Variants in DENND4C observed in about 807,000 individuals in gnomAD.
The protein encoded by DENND4C is DENN domain containing 4C, also known as DENN domain-containing protein 4C.
Under a neutral mutation model 203.0 loss-of-function variants are expected in DENND4C, and 108 were observed. That is an observed-to-expected ratio of 0.53 (90% CI 0.46 to 0.62). The LOEUF is 0.62. Among genes scored for constraint, DENND4C ranks in the 20% least tolerant of loss-of-function variants. The probability of loss-of-function intolerance (pLI) is 0.00; values close to 1 mark genes in which losing one functional copy is unlikely to be tolerated. For synonymous variants in DENND4C, 871 were observed against 792.4 expected (o/e 1.10, Z -1.67); for missense variants, 2,481 against 2,301.2 (o/e 1.08, Z -1.60).
At chr9:19,312,034 C>G (rs1840830205) in intron 10 of DENND4C, among the ~76,000 whole-genome samples, 2 of 152,144 alleles carry the variant, frequency 1.3e-5, no homozygotes, top group Non-Finnish European at 2.9e-5. Flanking sequence ...CAGTGGAATA[C>G]TACTGTAGCG....
intron 5 of DENND4C, among the ~76,000 whole-genome samples, chr9:19,295,463 C>G (rs1202967072): frequency 6.6e-6 from 1 of 151,788 alleles, no homozygotes; most frequent in Non-Finnish European, 1.5e-5. Flanking sequence ...CGAGATCGTG[C>G]CACTGTACTC....
At chr9:19,260,450 T>G (rs367826831) in intron 1 of DENND4C, among the ~76,000 whole-genome samples, 101 of 152,052 alleles carry the variant, frequency 6.6e-4, no homozygotes, top group African/African-American at 2.4e-3. Flanking sequence ...CAGGCTGGAA[T>G]GGGGTGGCAT....
At chr9:19,322,029 A>G (rs1460548935) in intron 12 of DENND4C, among the ~76,000 whole-genome samples, 2 of 152,140 alleles carry the variant, frequency 1.3e-5, no homozygotes, top group Non-Finnish European at 2.9e-5. Context: ...TAGTGTACAT[A>G]GTTTCTATTT....
In DENND4C at chr9:19,346,543, T is replaced by C; in HGVS notation, c.3774T>C (p.Thr1258=). ...TGLDPLSLLA[T]ECTGGKTPDS... ...TAGATCCTTTGTCTCTTTTAGCCAC[T>C]GAATGTACAGGAGGAAAAACTCCTG... The change falls in exon 23 of 33, where the codon ACT becomes ACC. Residue 1258 remains threonine (T), a synonymous_variant. Coordinates refer to ENST00000434457, the MANE Select transcript of DENND4C (RefSeq NM_001330640.2). 1.2e-6 allele frequency: 2 copies of C among 1,614,170 alleles called. No homozygotes were observed. Among genetic ancestry groups the C allele is most frequent in the Non-Finnish European group, 1.7e-6 (2 of 1,180,034 alleles).
chr9:19,272,756 T>TTTTTTA (rs1186285285), intron 1 of DENND4C, among the ~76,000 whole-genome samples: 1 of 151,926 alleles, frequency 6.6e-6, no homozygotes, highest in African/African-American at 2.4e-5. Context: ...TTAGACATGT[T>TTTTTTA]TTTTTATTTT....
At chr9:19,330,136 CAA>C (rs1052611521) in intron 16 of DENND4C, among the ~76,000 whole-genome samples, 6 of 151,746 alleles carry the variant, frequency 4.0e-5, no homozygotes, top group African/African-American at 7.3e-5. Flanking sequence ...TACCAGCTAA[CAA>C]AAGGCAAATT....
At chr9:19,325,641 G>A (rs1817658120) in intron 13 of DENND4C, among the ~76,000 whole-genome samples, 1 of 152,016 alleles carries the variant, frequency 6.6e-6, no homozygotes, top group Non-Finnish European at 1.5e-5. Flanking sequence ...ACTAATAAAG[G>A]GGCTTAATAA....
chr9:19,345,467 C>A (rs1224559203), intron 22 of DENND4C, among the ~76,000 whole-genome samples: 1 of 152,156 alleles, frequency 6.6e-6, no homozygotes, highest in Non-Finnish European at 1.5e-5. Context: ...GCATTCCATT[C>A]CGGATTATTT....
At chr9:19,325,203 T>A (rs958565499) in intron 13 of DENND4C, among the ~76,000 whole-genome samples, 15 of 152,146 alleles carry the variant, frequency 9.9e-5, no homozygotes, top group Non-Finnish European at 1.9e-4. Context: ...TGTTCTTTTG[T>A]TTTAATGTCT....
rs369320366 is a variant in DENND4C at position 19,326,068 on chromosome 9, A to G, written c.1994A>G (p.Asp665Gly). ...GGGAAAAATAATGATTTTCAGGTTG[A>G]TTTTGATTCAGCAGAAGATACCAGA... ...DKGTEKTDKVDFDSAEDTRLI... is the reference protein window; with the variant it reads ...DKGTEKTDKVGFDSAEDTRLI... Residue 665 changes from aspartate to glycine, a missense_variant, in exon 15 of 33, where the codon GAT becomes GGT. Coordinates refer to ENST00000434457, the MANE Select transcript of DENND4C (RefSeq NM_001330640.2). 1.9e-6 allele frequency: 3 copies of G among 1,608,262 alleles called. No homozygotes were observed. The highest frequency in any genetic ancestry group is 2.5e-6 in the Non-Finnish European group (3 of 1,178,356).
intron 1 of DENND4C, 84 bp downstream of exon 1, chr9:19,230,917 G>A (rs895717845): frequency 2.6e-5 from 4 of 152,312 alleles, no homozygotes; most frequent in African/African-American, 9.6e-5. Context: ...GGGAGGGCGC[G>A]GGACAGGTAG....
chr9:19,241,731 A>G (rs1823781807), intron 1 of DENND4C, among the ~76,000 whole-genome samples: 1 of 152,084 alleles, frequency 6.6e-6, no homozygotes, highest in Non-Finnish European at 1.5e-5. Context: ...AGCTTTTAAA[A>G]AACATAAGTA....
At chr9:19,235,751 T>C (rs7855666) in intron 1 of DENND4C, among the ~76,000 whole-genome samples, 123,998 of 151,216 alleles carry the variant, frequency 0.82, 51,245 homozygotes, top group Admixed American at 0.87. Flanking sequence ...GCTGGGACTT[T>C]AGGTGCCCGC....
At position 19,365,660 on chromosome 9, in the gene DENND4C, T is replaced by A. The variant is rs574151180; in HGVS notation, c.5524+3697T>A. Among the ~76,000 whole-genome samples the A allele has an allele frequency of 1.3e-3, 194 of 147,298 alleles. 2 individuals are homozygous for A. The highest frequency in any genetic ancestry group is 4.2e-3 in the African/African-American group (172 of 40,646). On this transcript the variant is annotated intron_variant, in intron 30 of 32. Coordinates refer to ENST00000434457, the MANE Select transcript of DENND4C (RefSeq NM_001330640.2). Reference sequence around the variant, plus strand: ...TATATATATAATATATAGAAAATTCTAAGGAATAGACACACACCTAACATA... The same window carrying A: ...TATATATATAATATATAGAAAATTCAAAGGAATAGACACACACCTAACATA...
rs1242521148 is a variant in DENND4C, at chr9:19,350,760, A to C, written c.4376A>C (p.Glu1459Ala). ...PAGLEDHILG[E>A]NISPNTSISG... is the part of the protein sequence containing the mutation. ...GGCCTAGAAGACCATATTTTGGGGG[A>C]GAATATATCGCCTAACACAAGTATC... is the stretch of plus-strand genomic sequence containing the variant. The change falls in exon 24 of 33, where the codon GAG (glutamate) becomes GCG (alanine). Residue 1459 changes from glutamate to alanine, a missense_variant. By Grantham distance (107) the Glu-to-Ala change is moderately radical (BLOSUM62 -1). Around this residue, in one of 3 missense-constraint regions of DENND4C, gnomAD observed 2,289 missense variants for 2,113.3 expected, o/e 1.08. Transcript: ENST00000434457. 1.2e-5 allele frequency: 20 copies of C among 1,613,768 alleles called. 1 individual carries two copies. Among genetic ancestry groups the C allele is most frequent in the Non-Finnish European group, 1.5e-5 (18 of 1,179,956 alleles).
At chr9:19,336,922 G>T in intron 20 of DENND4C, 90 bp downstream of exon 20, 2 of 1,245,524 alleles carry the variant, frequency 1.6e-6, no homozygotes, top group South Asian at 3.0e-5. Flanking sequence ...TTGAGTTTGT[G>T]TGATATGACT....
chr9:19,351,062 C>G (rs553798385), intron 24 of DENND4C, among the ~76,000 whole-genome samples, 183 bp downstream of exon 24: 46 of 151,992 alleles, frequency 3.0e-4, no homozygotes, highest in Non-Finnish European at 5.3e-4. Context: ...AGCGCCTGGC[C>G]TGTCTTTGCT....
At chr9:19,264,263 A>G (rs916111154) in intron 1 of DENND4C, among the ~76,000 whole-genome samples, 7 of 149,014 alleles carry the variant, frequency 4.7e-5, no homozygotes, top group East Asian at 3.9e-4. Flanking sequence ...AGTTTCTTCT[A>G]CGTTTTCCAG....
intron 29 of DENND4C, among the ~76,000 whole-genome samples, chr9:19,360,999 G>A (rs766575137): frequency 2.6e-5 from 4 of 151,996 alleles, no homozygotes; most frequent in South Asian, 4.2e-4. Flanking sequence ...TCAGCCTCCC[G>A]AGTAGCTGGG....
Sources: gnomAD v4.1 joint callset for allele counts (sites outside exome capture counted in the v4.1 genomes callset) on GRCh38, gnomAD v4.1.1 for gene constraint, gnomAD v4.1.1 regional missense constraint, MANE v1.5 for transcripts, NCBI Gene and HGNC (gene_info 2026-07-23, HGNC 2026-07-21) for gene names.